The following ACAD10 variants were observed in gnomAD, a reference collection of about 807,000 sequenced individuals.
The protein encoded by ACAD10 is ACAD-10.
In ACAD10, 112 loss-of-function variants were observed where a neutral mutation model predicts 116.8. That is an observed-to-expected ratio of 0.96 (90% CI 0.82 to 1.12). The LOEUF (loss-of-function observed/expected upper bound fraction) is 1.12. ACAD10 is among the 50% of genes most tolerant of loss of function. The pLI is 0.00. For synonymous variants in ACAD10, 486 were observed against 510.6 expected (o/e 0.95, Z 0.65); for missense variants, 1,259 against 1,350.2 (o/e 0.93, Z 1.06).
chr12:111,753,177 T>C (rs1392607883), intron 18 of ACAD10: 1 of 204,622 alleles, frequency 4.9e-6, no homozygotes, highest in Non-Finnish European at 1.0e-5. Context: ...GGAAAAAGAA[T>C]AAATAAAACA....
intron 1 of ACAD10, among the ~76,000 whole-genome samples, chr12:111,689,252 A>G (rs1055116521): frequency 3.3e-5 from 5 of 151,896 alleles, no homozygotes; most frequent in Admixed American, 2.6e-4. Flanking sequence ...ATAAATATAT[A>G]TACATGCATA....
intron 13 of ACAD10, 97 bp from the exon 14 acceptor site, chr12:111,746,047 C>T (rs1442284015): frequency 6.7e-7 from 1 of 1,489,110 alleles, no homozygotes. Context: ...GTTTGGTTGT[C>T]TGCCTTGTTT....
intron 18 of ACAD10, chr12:111,752,592 A>C (rs1593057956): frequency 6.6e-6 from 1 of 151,962 alleles, no homozygotes; most frequent in Non-Finnish European, 1.5e-5. Flanking sequence ...CTGGGCAACA[A>C]AAGCGAAACT....
chr12:111,701,714 G>A (rs138703203), intron 2 of ACAD10, among the ~76,000 whole-genome samples: 2,291 of 152,194 alleles, frequency 0.015, 25 homozygotes, highest in Middle Eastern at 0.044. Flanking sequence ...CATTTCAGGC[G>A]AACATTTCAG....
At chr12:111,743,635 G>A (rs923933248) in intron 12 of ACAD10, among the ~76,000 whole-genome samples, 1 of 151,210 alleles carries the variant, frequency 6.6e-6, no homozygotes, top group Admixed American at 6.6e-5. Context: ...GCGCCTGGCC[G>A]AAGTATTCTG....
intron 10 of ACAD10, among the ~76,000 whole-genome samples, chr12:111,731,719 A>T (rs1889390308): frequency 6.6e-6 from 1 of 152,158 alleles, no homozygotes; most frequent in South Asian, 2.1e-4. Context: ...TGATGGATAG[A>T]AGAACATTTC....
intron 18 of ACAD10, chr12:111,749,594 G>A (rs970718201): frequency 1.8e-6 from 1 of 542,658 alleles, no homozygotes; most frequent in Non-Finnish European, 3.3e-6. Flanking sequence ...AGCAGCAGAG[G>A]CAAGGTTCCA....
At chr12:111,705,679 C>T in intron 3 of ACAD10, 59 bp from the exon 4 acceptor site, 6 of 1,475,160 alleles carry the variant, frequency 4.1e-6, no homozygotes, top group Admixed American at 4.0e-5. Flanking sequence ...TTTCTGTTGG[C>T]CATGAGTGTT....
chr12:111,731,723 A>G (rs962864128), intron 10 of ACAD10, among the ~76,000 whole-genome samples: 3 of 152,208 alleles, frequency 2.0e-5, no homozygotes, highest in African/African-American at 7.2e-5. Context: ...GGATAGAAGA[A>G]CATTTCTTGC....
chr12:111,702,599 C>T (rs1310850874), intron 3 of ACAD10, among the ~76,000 whole-genome samples: 3 of 152,002 alleles, frequency 2.0e-5, no homozygotes, highest in Admixed American at 1.3e-4. Context: ...GCTGTGGTGG[C>T]GCACATCTGT....
intron 11 of ACAD10, among the ~76,000 whole-genome samples, chr12:111,735,922 C>T (rs535036632): frequency 6.6e-6 from 1 of 152,204 alleles, no homozygotes; most frequent in Admixed American, 6.5e-5. Context: ...CTCTGTCGCC[C>T]AGGCTGGACC....
Position 111,730,030 on chromosome 12 carries a change from G to C in ACAD10, c.1394+74G>C. The C allele has an allele frequency of 2.0e-6, 3 of 1,534,674 alleles. No homozygotes were observed. In the South Asian group the frequency reaches 3.6e-5, roughly 19 times the overall value. ...AAGGGGGAATTGAGCAATTGGTCTT[G>C]GTGCAATTTACAGCTGGGAATTATT... On this transcript the variant is annotated intron_variant, in intron 10 of 20. Transcript: ENST00000313698.
At chr12:111,722,781 ACTT>A (rs1330836895) in intron 8 of ACAD10, among the ~76,000 whole-genome samples, 3 of 152,158 alleles carry the variant, frequency 2.0e-5, no homozygotes, top group African/African-American at 4.8e-5. Flanking sequence ...TCCCATGTCT[ACTT>A]CTTTCTACAC....
chr12:111,749,461 A>G, intron 18 of ACAD10, 116 bp downstream of exon 18: 1 of 1,350,154 alleles, frequency 7.4e-7, no homozygotes, highest in Non-Finnish European at 9.9e-7. Context: ...AAGCAAGGTG[A>G]TGTCCTTGCC....
intron 5 of ACAD10, among the ~76,000 whole-genome samples, chr12:111,711,831 T>G (rs1425314729): frequency 6.6e-6 from 1 of 152,210 alleles, no homozygotes; most frequent in African/African-American, 2.4e-5. Flanking sequence ...TTTTTAAATA[T>G]TTGCTAGCTG....
At chr12:111,754,265 T>C (rs2135996358) in intron 19 of ACAD10, among the ~76,000 whole-genome samples, 1 of 152,286 alleles carries the variant, frequency 6.6e-6, no homozygotes, top group East Asian at 1.9e-4. Context: ...TTAACAAAAA[T>C]AGAAGCTTAT....
At chr12:111,697,869 C>T (rs1888234357) in intron 2 of ACAD10, among the ~76,000 whole-genome samples, 1 of 151,700 alleles carries the variant, frequency 6.6e-6, no homozygotes, top group South Asian at 2.1e-4. Flanking sequence ...TAGGTGTAAG[C>T]CACTGGGCCT....
chr12:111,734,038 T>G lies in ACAD10; in HGVS notation c.1510T>G (p.Tyr504Asp), dbSNP rs750986955. ...ADVAYSCLAHYLPSSFPVLRG... is the reference protein window; with the variant it reads ...ADVAYSCLAHDLPSSFPVLRG... ...TGTGGCCTACAGCTGCCTGGCTCAT[T>G]ACCTGCCATCCAGTTTTCCCGTGCT... Residue 504 changes from tyrosine to aspartate, a missense_variant, in exon 11 of 21, where the codon TAC (tyrosine) becomes GAC (aspartate). Physicochemically the swap from Tyr to Asp is radical, Grantham distance 160. Transcript: ENST00000313698. The G allele has an allele frequency of 6.2e-7, 1 of 1,614,212 alleles. No homozygotes were observed. Among genetic ancestry groups the G allele is most frequent in the Non-Finnish European group, 8.5e-7 (1 of 1,180,034 alleles).
chr12:111,746,344 A>T, intron 14 of ACAD10, 60 bp downstream of exon 14: 1 of 1,539,140 alleles, frequency 6.5e-7, no homozygotes, highest in Non-Finnish European at 8.7e-7. Flanking sequence ...TAAGAACTCA[A>T]TCCTAAACAG....
Sources: gnomAD v4.1 joint callset for allele counts (sites outside exome capture counted in the v4.1 genomes callset) on GRCh38, gnomAD v4.1.1 for gene constraint, MANE v1.5 for transcripts, NCBI Gene and HGNC (gene_info 2026-07-23, HGNC 2026-07-21) for gene names.